The following PBX4 variants were observed in gnomAD, a reference collection of about 807,000 sequenced individuals.
The protein encoded by PBX4 is PBX homeobox 4.
PBX4 carries 26 observed loss-of-function variants against 35.1 expected under a neutral mutation model. The ratio of observed to expected loss-of-function variants is 0.74; its 90% CI spans 0.54 to 1.03. The LOEUF is 1.03. PBX4 is among the 50% of genes least tolerant of loss of function. The pLI is 0.00. For missense variants in PBX4, 448 were observed against 504.3 expected, an observed-to-expected ratio of 0.89 and a Z score of 1.07; for synonymous variants, 199 against 204.2, an observed-to-expected ratio of 0.97 and a Z score of 0.22.
chr19:19,571,332 G>T (rs978231073), intron 2 of PBX4, among the ~76,000 whole-genome samples: 4 of 152,128 alleles, frequency 2.6e-5, no homozygotes, highest in African/African-American at 9.7e-5. Flanking sequence ...TTGGGGTGGG[G>T]GTGCTGTTAT....
intron 2 of PBX4, among the ~76,000 whole-genome samples, chr19:19,587,796 A>G (rs2061500107): frequency 6.6e-6 from 1 of 151,652 alleles, no homozygotes; most frequent in Non-Finnish European, 1.5e-5. Context: ...GAGGGAGCAC[A>G]TATCAATATG....
rs1377447133 is a variant in PBX4 at position 19,562,601 on chromosome 19, G to A, written c.1033-484C>T. On this transcript the variant is annotated intron_variant, in intron 7 of 7. Transcript: ENST00000251203. The surrounding 1 kb of genome is among the most constrained non-coding windows in gnomAD (Gnocchi z 4.8). ...GGGGCTCTGTCTGCAGTGCAGAGACGGCATCACGTCCAACGGCGCTAAGAC... is the reference window on the plus strand; with the variant it reads ...GGGGCTCTGTCTGCAGTGCAGAGACAGCATCACGTCCAACGGCGCTAAGAC... 1.3e-5 allele frequency among the ~76,000 whole-genome samples: 2 copies of A among 152,142 alleles called. No individual in the cohort carries two copies. The highest frequency in any genetic ancestry group is 1.5e-5 in the Non-Finnish European group (1 of 68,026).
intron 2 of PBX4, chr19:19,588,549 T>C (rs913233947): frequency 1.5e-5 from 7 of 465,396 alleles, no homozygotes; most frequent in Non-Finnish European, 1.6e-5. Context: ...AGTGCTGGCA[T>C]TACAGGTGTG....
At chr19:19,583,625 TAC>T (rs1356460294) in intron 2 of PBX4, among the ~76,000 whole-genome samples, 1 of 151,490 alleles carries the variant, frequency 6.6e-6, no homozygotes, top group Non-Finnish European at 1.5e-5. Context: ...CAAAAAAAGA[TAC>T]AGAAAATTAA....
intron 1 of PBX4, among the ~76,000 whole-genome samples, chr19:19,614,562 G>A (rs1398803402): frequency 1.3e-5 from 2 of 151,744 alleles, no homozygotes; most frequent in South Asian, 2.1e-4. Context: ...TTGAACCCGG[G>A]AGGCGGAGGT....
At chr19:19,597,020 T>C (rs2061565629) in intron 2 of PBX4, among the ~76,000 whole-genome samples, 1 of 151,658 alleles carries the variant, frequency 6.6e-6, no homozygotes, top group Admixed American at 6.6e-5. Context: ...AAGACCAGCC[T>C]GGCCAACATG....
At chr19:19,576,929 A>C (rs966368322) in intron 2 of PBX4, among the ~76,000 whole-genome samples, 1 of 152,156 alleles carries the variant, frequency 6.6e-6, no homozygotes, top group Non-Finnish European at 1.5e-5. Flanking sequence ...ATTTTAAAAA[A>C]ATATACCAAA....
At chr19:19,593,299 T>C (rs908432893) in intron 2 of PBX4, among the ~76,000 whole-genome samples, 2 of 152,174 alleles carry the variant, frequency 1.3e-5, no homozygotes, top group African/African-American at 4.8e-5. Context: ...ATGTGAGAAC[T>C]GTGGGTTAAA....
chr19:19,584,670 A>G (rs2061477539), intron 2 of PBX4, among the ~76,000 whole-genome samples: 1 of 147,760 alleles, frequency 6.8e-6, no homozygotes, highest in South Asian at 2.2e-4. Context: ...CTGTTGCCTA[A>G]ACTGGAGTGC....
chr19:19,615,774 C>T (rs1383796090), intron 1 of PBX4, among the ~76,000 whole-genome samples: 1 of 152,106 alleles, frequency 6.6e-6, no homozygotes, highest in Non-Finnish European at 1.5e-5. Flanking sequence ...CCTGTAGTCC[C>T]GGCTACTCAG....
intron 2 of PBX4, among the ~76,000 whole-genome samples, chr19:19,582,497 G>C (rs2061461832): frequency 6.6e-6 from 1 of 152,114 alleles, no homozygotes; most frequent in Non-Finnish European, 1.5e-5. Flanking sequence ...GGAGAGCCCA[G>C]TCACTGAGCG....
chr19:19,602,032 G>A (rs1005546657), intron 1 of PBX4, among the ~76,000 whole-genome samples: 1 of 152,076 alleles, frequency 6.6e-6, no homozygotes, highest in African/African-American at 2.4e-5. Flanking sequence ...TAGAGACAGG[G>A]TCTCGTTATG....
At chr19:19,607,655 G>C (rs569514563) in intron 1 of PBX4, among the ~76,000 whole-genome samples, 6 of 152,166 alleles carry the variant, frequency 3.9e-5, no homozygotes, top group Non-Finnish European at 8.8e-5. Flanking sequence ...GCTGGTCCTT[G>C]TATAAGGGCT....
intron 2 of PBX4, among the ~76,000 whole-genome samples, chr19:19,582,545 C>T (rs1398739904): frequency 1.3e-5 from 2 of 152,134 alleles, no homozygotes; most frequent in African/African-American, 2.4e-5. Context: ...CCAATCCAAC[C>T]CCCTTTGGGC....
intron 2 of PBX4, among the ~76,000 whole-genome samples, chr19:19,571,652 C>T (rs2061383565): frequency 6.6e-6 from 1 of 152,174 alleles, no homozygotes; most frequent in South Asian, 2.1e-4. Context: ...TTCCCAGATT[C>T]TGCCATGGGC....
At chr19:19,588,117 C>A (rs1448034699) in intron 2 of PBX4, 3 of 1,007,310 alleles carry the variant, frequency 3.0e-6, no homozygotes, top group Admixed American at 1.8e-5. Flanking sequence ...GTATTTTTTG[C>A]GTTCATAGAA....
At chr19:19,571,656 C>T (rs1033609182) in intron 2 of PBX4, among the ~76,000 whole-genome samples, 3 of 152,134 alleles carry the variant, frequency 2.0e-5, no homozygotes, top group Non-Finnish European at 2.9e-5. Context: ...CAGATTCTGC[C>T]ATGGGCAGCA....
rs1398950489 is a variant in PBX4 at position 19,563,585 on chromosome 19, G to C, written c.956C>G (p.Ala319Gly). Residue 319 changes from alanine (A) to glycine (G), a missense_variant, in exon 7 of 8, where the codon GCT becomes GGT. By Grantham distance (60) the Ala-to-Gly change is moderately conservative. Coordinates refer to ENST00000251203, the MANE Select transcript of PBX4 (RefSeq NM_025245.3). The surrounding 1 kb of genome is among the most constrained non-coding windows in gnomAD (Gnocchi z 5.1). ...CCGCAGGGTGAGGAAGGCGTCCCCA[G>C]CGCTGGGCAGCGGGAAGGGTCCAGA... ...GSSGPFPLPS[A>G]GDAFLTLRTL... The C allele has an allele frequency of 6.5e-7, 1 of 1,550,176 alleles. No homozygotes were observed. The highest frequency in any genetic ancestry group is 1.2e-5 in the South Asian group (1 of 84,044).
intron 6 of PBX4, 102 bp downstream of exon 6, chr19:19,564,831 A>G: frequency 7.0e-7 from 1 of 1,418,624 alleles, no homozygotes. Flanking sequence ...AGAGTTGACC[A>G]CTGGGGGAAG....
Sources: gnomAD v4.1 joint callset for allele counts (sites outside exome capture counted in the v4.1 genomes callset) on GRCh38, gnomAD v4.1.1 for gene constraint, Gnocchi (gnomAD v3.1) non-coding constraint, MANE v1.5 for transcripts, NCBI Gene and HGNC (gene_info 2026-07-23, HGNC 2026-07-21) for gene names.